The following OXR1 variants were observed in gnomAD, a reference collection of about 807,000 sequenced individuals.
OXR1 encodes the protein oxidation resistance protein 1.
A neutral mutation model predicts 104.6 loss-of-function variants in OXR1; 41 were observed. The ratio of observed to expected loss-of-function variants is 0.39; its 90% CI spans 0.31 to 0.51. The LOEUF (loss-of-function observed/expected upper bound fraction) is 0.51, where lower values mean the gene tolerates loss of function less well. OXR1 is among the 20% of genes least tolerant of loss of function. The probability of loss-of-function intolerance (pLI) is 0.77; values close to 1 mark genes in which losing one functional copy is unlikely to be tolerated. For missense variants in OXR1, 955 were observed against 1,031.9 expected (o/e 0.93, Z 1.02); for synonymous variants, 348 against 348.4 (o/e 1.00, Z 0.01).
intron 2 of OXR1, among the ~76,000 whole-genome samples, chr8:106,399,160 G>T (rs1053564298): frequency 2.0e-5 from 3 of 152,126 alleles, no homozygotes; most frequent in African/African-American, 4.8e-5. Context: ...AATGATCTGA[G>T]TTACATTTCC....
chr8:106,400,013 T>C (rs1454389285), intron 2 of OXR1, among the ~76,000 whole-genome samples: 1 of 152,202 alleles, frequency 6.6e-6, no homozygotes, highest in Non-Finnish European at 1.5e-5. Flanking sequence ...CCTTCTGTTC[T>C]ACTTTTTGTT....
intron 1 of OXR1, among the ~76,000 whole-genome samples, chr8:106,292,592 C>T (rs1178975189): frequency 1.3e-5 from 2 of 152,106 alleles, no homozygotes; most frequent in Non-Finnish European, 2.9e-5. Context: ...ATGTATTCCT[C>T]TGCAGATAAA....
intron 2 of OXR1, among the ~76,000 whole-genome samples, chr8:106,439,855 A>G (rs1819716106): frequency 6.6e-6 from 1 of 152,148 alleles, no homozygotes; most frequent in Admixed American, 6.6e-5. Flanking sequence ...ATAATAATGA[A>G]ATCAAGTTTT....
At chr8:106,511,280 C>T (rs976739801) in intron 2 of OXR1, among the ~76,000 whole-genome samples, 4 of 152,148 alleles carry the variant, frequency 2.6e-5, no homozygotes, top group Admixed American at 6.5e-5. Flanking sequence ...CTCCCGAAAG[C>T]TTATTTTTGA....
intron 3 of OXR1, among the ~76,000 whole-genome samples, chr8:106,564,974 C>T (rs1216955234): frequency 6.6e-6 from 1 of 152,144 alleles, no homozygotes; most frequent in East Asian, 1.9e-4. Flanking sequence ...ATCATTGGAA[C>T]ATATCTCAAA....
Position 106,684,294 on chromosome 8 carries a change from C to G in OXR1, c.460C>G (p.Pro154Ala). The G allele has an allele frequency of 1.2e-6, 2 of 1,610,534 alleles. No homozygotes were observed. Among genetic ancestry groups the G allele is most frequent in the Non-Finnish European group, 1.7e-6 (2 of 1,176,910 alleles). The change falls in exon 6 of 17, where the codon CCA (proline) becomes GCA (alanine). Residue 154 changes from proline (P) to alanine (A), a missense_variant. Transcript: ENST00000517566. ...PEYVSSVESS[P>A]SLSPVSPLSP... ...ATATGTCTCCAGTGTTGAGAGCTCT[C>G]CATCTCTAAGCCCCGTAAGTCCTCT... is the stretch of plus-strand genomic sequence containing the variant.
intron 3 of OXR1, among the ~76,000 whole-genome samples, chr8:106,669,942 A>G (rs553635515): frequency 1.3e-5 from 2 of 152,332 alleles, no homozygotes; most frequent in Admixed American, 6.5e-5. Flanking sequence ...ACACAAAGCA[A>G]ACATTTTATT....
intron 2 of OXR1, among the ~76,000 whole-genome samples, chr8:106,405,848 G>A (rs1465702147): frequency 5.3e-5 from 8 of 152,070 alleles, no homozygotes; most frequent in Non-Finnish European, 5.9e-5. Context: ...AGAATAATAA[G>A]CTAAGTAAGT....
Position 106,603,980 on chromosome 8 carries a change from G to C in OXR1, c.221-75230G>C, listed in dbSNP as rs369565824. 1.9e-3 allele frequency among the ~76,000 whole-genome samples: 282 copies of C among 152,258 alleles called. 1 individual carries two copies. The highest frequency in any genetic ancestry group is 6.6e-3 in the African/African-American group (273 of 41,550). On this transcript the variant is annotated intron_variant, in intron 3 of 16. Transcript: ENST00000517566. ...AGGCAGGAGACTCGCTTAAACCCAG[G>C]AGGCGGTTGTTGCAGTGAGCCGAGA...
At position 106,459,460 on chromosome 8, in the gene OXR1, T is replaced by C. The variant is rs561361369; in HGVS notation, c.24-59483T>C. Among the ~76,000 whole-genome samples the C allele has an allele frequency of 3.8e-3, 585 of 152,266 alleles. 3 individuals are homozygous for C. The highest frequency in any genetic ancestry group is 0.013 in the African/African-American group (553 of 41,548). ...TTATTTTTTTATTAAATATCCAGTC[T>C]GTATTTTTCCATTATAGCAATACAA... On this transcript the variant is annotated intron_variant, in intron 2 of 16. Coordinates refer to ENST00000517566, the MANE Select transcript of OXR1 (RefSeq NM_001198533.2).
chr8:106,690,859 A>G (rs1829205822), intron 6 of OXR1, among the ~76,000 whole-genome samples: 2 of 152,042 alleles, frequency 1.3e-5, no homozygotes, highest in South Asian at 4.1e-4. Context: ...GTAAATACAA[A>G]TGTTGGTATT....
intron 3 of OXR1, among the ~76,000 whole-genome samples, chr8:106,555,272 G>A (rs1240114443): frequency 6.6e-6 from 1 of 152,084 alleles, no homozygotes; most frequent in Non-Finnish European, 1.5e-5. Context: ...GCAAGCTAAG[G>A]TTCCCAAATG....
chr8:106,724,407 AGG>A (rs1833133945), intron 11 of OXR1, among the ~76,000 whole-genome samples: 1 of 152,190 alleles, frequency 6.6e-6, no homozygotes, highest in African/African-American at 2.4e-5. Context: ...AAGGGCAAGA[AGG>A]AGACTTACTG....
At chr8:106,526,759 G>A (rs1410679618) in intron 3 of OXR1, among the ~76,000 whole-genome samples, 5 of 152,194 alleles carry the variant, frequency 3.3e-5, no homozygotes, top group East Asian at 1.9e-4. Flanking sequence ...TAGCCAGGAT[G>A]GTCTCTATCT....
Position 106,349,923 on chromosome 8 carries a change from C to T in OXR1, c.-138-9553C>T, listed in dbSNP as rs189491832. Among the ~76,000 whole-genome samples the T allele has an allele frequency of 4.1e-3, 629 of 152,250 alleles. 1 individual carries two copies. The highest frequency in any genetic ancestry group is 6.6e-3 in the Non-Finnish European group (451 of 68,002). On this transcript the variant is annotated intron_variant, in intron 1 of 16. Coordinates refer to ENST00000517566, the MANE Select transcript of OXR1 (RefSeq NM_001198533.2). The stretch of plus-strand genomic sequence containing the variant: ...ATTGGAATCAGTAGTTAAGTCAATA[C>T]ACCAGTTGACTGGTGATGAGAATGT...
At chr8:106,418,635 T>C (rs9643023) in intron 2 of OXR1, among the ~76,000 whole-genome samples, 22,197 of 152,162 alleles carry the variant, frequency 0.15, 1,849 homozygotes, top group South Asian at 0.34. Flanking sequence ...TTAAAAATCA[T>C]GCTATTAGTT....
At chr8:106,515,795 A>G (rs929029130) in intron 2 of OXR1, among the ~76,000 whole-genome samples, 46 of 152,292 alleles carry the variant, frequency 3.0e-4, no homozygotes, top group African/African-American at 9.9e-4. Context: ...AGGAAAAAGT[A>G]GATAAAGCTA....
chr8:106,548,869 A>G (rs143586566), intron 3 of OXR1, among the ~76,000 whole-genome samples: 1 of 152,348 alleles, frequency 6.6e-6, no homozygotes, highest in African/African-American at 2.4e-5. Context: ...ATATTATAAA[A>G]TGTGCCATTT....
intron 3 of OXR1, among the ~76,000 whole-genome samples, chr8:106,576,466 C>CAAAAAAAAAAAA (rs55917847): frequency 1.8e-5 from 2 of 112,460 alleles, no homozygotes; most frequent in Non-Finnish European, 3.6e-5. Flanking sequence ...CACAGTTATT[C>CAAAAAAAAAAAA]AAAAAAAAAA....
Sources: gnomAD v4.1 joint callset for allele counts (sites outside exome capture counted in the v4.1 genomes callset) on GRCh38, gnomAD v4.1.1 for gene constraint, MANE v1.5 for transcripts, NCBI Gene and HGNC (gene_info 2026-07-23, HGNC 2026-07-21) for gene names.